The following FMN1 variants were observed in gnomAD, a reference collection of about 807,000 sequenced individuals.
FMN1 encodes formin 1, also known as formin-1.
FMN1 carries 110 observed loss-of-function variants against 132.4 expected under a neutral mutation model. That is an observed-to-expected ratio of 0.83 (90% CI 0.71 to 0.97). The LOEUF (loss-of-function observed/expected upper bound fraction) is 0.97. Among genes scored for constraint, FMN1 ranks in the 50% least tolerant of loss-of-function variants. The pLI, the probability that FMN1 is intolerant of heterozygous loss-of-function variation, is 0.00. For missense variants in FMN1, 1,792 were observed against 1,705.3 expected (o/e 1.05, Z -0.90); for synonymous variants, 722 against 651.7 (o/e 1.11, Z -1.64).
At chr15:33,015,695 A>G (rs2035004551) in intron 6 of FMN1, among the ~76,000 whole-genome samples, 4 of 135,698 alleles carry the variant, frequency 2.9e-5, no homozygotes, top group Admixed American at 2.4e-4. Context: ...TTTCAAGTAC[A>G]TATGTGACTT....
chr15:33,014,184 GAGT>G (rs2034902297), intron 6 of FMN1, among the ~76,000 whole-genome samples: 2 of 152,216 alleles, frequency 1.3e-5, no homozygotes, highest in African/African-American at 2.4e-5. Flanking sequence ...GTTCACAAGA[GAGT>G]AGTAAGAGAA....
chr15:32,873,024 C>G (rs138175103), intron 16 of FMN1, among the ~76,000 whole-genome samples: 229 of 152,290 alleles, frequency 1.5e-3, no homozygotes, highest in Middle Eastern at 0.01. Context: ...GCTCCAGAAT[C>G]ACTGGCAAAG....
rs145752769 is a variant in FMN1 at position 32,953,106 on chromosome 15, T to G, written c.3138+11001A>C. 1.4e-3 allele frequency among the ~76,000 whole-genome samples: 212 copies of G among 152,266 alleles called. 1 individual carries two copies. Among genetic ancestry groups the G allele is most frequent in the African/African-American group, 4.7e-3 (197 of 41,554 alleles). On this transcript the variant is annotated intron_variant, in intron 9 of 20. Coordinates refer to ENST00000616417, the MANE Select transcript of FMN1 (RefSeq NM_001277313.2). The stretch of plus-strand genomic sequence containing the variant: ...GAGCATGATTTGATTCACCCGCTCT[T>G]CAGAGTCCAATCCCTTTTGTCATTC...
intron 9 of FMN1, among the ~76,000 whole-genome samples, chr15:32,943,536 A>G (rs2061441867): frequency 1.3e-5 from 2 of 152,212 alleles, no homozygotes; most frequent in African/African-American, 4.8e-5. Flanking sequence ...AAATAGATAA[A>G]GGTACCTTCA....
At chr15:32,908,399 A>G (rs1358559340) in intron 12 of FMN1, 91 bp downstream of exon 12, 2 of 823,612 alleles carry the variant, frequency 2.4e-6, no homozygotes, top group Admixed American at 2.1e-5. Context: ...CTGGCTGCAC[A>G]TTTAGATTTG....
At chr15:33,061,495 T>C (rs192109419) in intron 6 of FMN1, among the ~76,000 whole-genome samples, 23 of 152,170 alleles carry the variant, frequency 1.5e-4, no homozygotes, top group Middle Eastern at 3.4e-3. Context: ...TCAAGAAACT[T>C]TGAATAGTTT....
intron 9 of FMN1, among the ~76,000 whole-genome samples, chr15:32,931,940 G>T (rs2061128907): frequency 6.6e-6 from 1 of 152,006 alleles, no homozygotes; most frequent in Non-Finnish European, 1.5e-5. Context: ...AAACAGTGTT[G>T]AGTTTTTTCA....
intron 4 of FMN1, among the ~76,000 whole-genome samples, chr15:33,130,499 A>C (rs183326442): frequency 5.9e-5 from 9 of 152,384 alleles, no homozygotes; most frequent in Admixed American, 5.9e-4. Flanking sequence ...GGTTTAAAAA[A>C]TTAAGGTGAT....
intron 4 of FMN1, among the ~76,000 whole-genome samples, chr15:33,126,645 C>T (rs1212218532): frequency 6.6e-6 from 1 of 152,218 alleles, no homozygotes; most frequent in Non-Finnish European, 1.5e-5. Flanking sequence ...TGTTAAGTTG[C>T]AAATCCTGGC....
chr15:33,019,464 G>A (rs986595524), intron 6 of FMN1, among the ~76,000 whole-genome samples: 1 of 152,222 alleles, frequency 6.6e-6, no homozygotes, highest in African/African-American at 2.4e-5. Context: ...GGAGCTGCCT[G>A]CCAGTCCCAC....
chr15:32,781,722 A>G (rs2056670462), intron 19 of FMN1, among the ~76,000 whole-genome samples: 1 of 152,214 alleles, frequency 6.6e-6, no homozygotes, highest in African/African-American at 2.4e-5. Flanking sequence ...TGCTGGTTTA[A>G]TTAGCTGAGT....
intron 6 of FMN1, among the ~76,000 whole-genome samples, chr15:33,041,048 C>T (rs975365473): frequency 7.2e-5 from 11 of 151,824 alleles, no homozygotes; most frequent in Middle Eastern, 6.8e-3. Flanking sequence ...ATCAGCAAGT[C>T]AAATTCAGCA....
chr15:33,070,278 T>TG (rs2037944412), intron 5 of FMN1, among the ~76,000 whole-genome samples: 1 of 151,976 alleles, frequency 6.6e-6, no homozygotes, highest in Middle Eastern at 3.4e-3. Flanking sequence ...GTGCTAGGAT[T>TG]ACAGGCATGA....
intron 4 of FMN1, among the ~76,000 whole-genome samples, chr15:33,140,022 T>C (rs755092829): frequency 6.6e-6 from 1 of 152,234 alleles, no homozygotes; most frequent in Non-Finnish European, 1.5e-5. Flanking sequence ...TTTTTTAAAA[T>C]ATATTAACAT....
Position 33,154,292 on chromosome 15 carries a change from C to T in FMN1, c.623G>A (p.Arg208Lys). ...CTCCTCTAGTACCCAAAGGTTAGGC[C>T]TTGTTCTAGAAAGAGGAAGGGAGTG... ...SSHSLPLSRTRPNLWVLEEKG... is the reference protein window; with the variant it reads ...SSHSLPLSRTKPNLWVLEEKG... The change falls in exon 4 of 21, where the codon AGG (arginine) becomes AAG (lysine). Residue 208 changes from arginine (R) to lysine (K), a missense_variant. Arg to Lys is a conservative substitution (Grantham distance 26). This residue lies in a region of FMN1 where 638 missense variants were observed against 645.2 expected (regional missense o/e 0.99). Transcript: ENST00000616417. 6.5e-7 allele frequency: 1 copy of T among 1,536,208 alleles called. No individual in the cohort carries two copies. Among genetic ancestry groups the T allele is most frequent in the Non-Finnish European group, 8.7e-7 (1 of 1,146,928 alleles).
At chr15:33,129,416 T>G (rs910772769) in intron 4 of FMN1, among the ~76,000 whole-genome samples, 3 of 152,234 alleles carry the variant, frequency 2.0e-5, no homozygotes, top group African/African-American at 7.2e-5. Context: ...AAAACACTGT[T>G]GAAATCTGGG....
chr15:33,118,275 T>A (rs181263742), intron 4 of FMN1, among the ~76,000 whole-genome samples: 1 of 152,206 alleles, frequency 6.6e-6, no homozygotes. Context: ...TCATTTGTTA[T>A]ATTAATAACT....
At chr15:33,083,892 T>C (rs2038586565) in intron 5 of FMN1, among the ~76,000 whole-genome samples, 1 of 152,186 alleles carries the variant, frequency 6.6e-6, no homozygotes. Context: ...TGACCTCTGG[T>C]CATCCTCACG....
intron 7 of FMN1, among the ~76,000 whole-genome samples, chr15:33,000,501 G>A (rs2034036506): frequency 6.6e-6 from 1 of 151,278 alleles, no homozygotes; most frequent in African/African-American, 2.4e-5. Context: ...TTAGGGCTGA[G>A]CATAGTGGCT....
Sources: allele counts gnomAD v4.1 joint callset (sites outside exome capture counted in the v4.1 genomes callset), GRCh38; gene constraint gnomAD v4.1.1; regional missense constraint gnomAD v4.1.1; transcripts MANE v1.5; gene names NCBI Gene and HGNC (gene_info 2026-07-23, HGNC 2026-07-21).